Variants in CNTNAP5 observed in about 807,000 individuals in gnomAD.
CNTNAP5 encodes the protein contactin associated protein family member 5, also known as contactin-associated protein-like 5.
Under a neutral mutation model 150.2 loss-of-function variants are expected in CNTNAP5, and 72 were observed. The ratio of observed to expected loss-of-function variants is 0.48; its 90% CI spans 0.40 to 0.58. CNTNAP5 has a LOEUF of 0.58. Among genes scored for constraint, CNTNAP5 ranks in the 20% least tolerant of loss-of-function variants. The probability of loss-of-function intolerance (pLI) is 0.00; values close to 1 mark genes in which losing one functional copy is unlikely to be tolerated. For missense variants in CNTNAP5, 1,636 were observed against 1,626.2 expected (o/e 1.01, Z -0.10); for synonymous variants, 672 against 619.8 (o/e 1.08, Z -1.25).
chr2:124,612,648 T>C (rs1277951774), intron 12 of CNTNAP5, among the ~76,000 whole-genome samples: 1 of 152,212 alleles, frequency 6.6e-6, no homozygotes, highest in Non-Finnish European at 1.5e-5. Flanking sequence ...GTGTCCCGAG[T>C]TGATCAGCTT....
intron 8 of CNTNAP5, among the ~76,000 whole-genome samples, chr2:124,512,565 G>A (rs1019843259): frequency 6.6e-6 from 1 of 152,086 alleles, no homozygotes; most frequent in Admixed American, 6.6e-5. Context: ...CTATAGTCAA[G>A]GCAAATGGCT....
intron 1 of CNTNAP5, among the ~76,000 whole-genome samples, chr2:124,127,959 A>G (rs1683751062): frequency 6.6e-6 from 1 of 152,204 alleles, no homozygotes; most frequent in South Asian, 2.1e-4. Flanking sequence ...TAAAAACCCT[A>G]GAAGAAAACC....
intron 21 of CNTNAP5, among the ~76,000 whole-genome samples, chr2:124,884,433 T>A (rs555832487): frequency 6.6e-6 from 1 of 152,192 alleles, no homozygotes; most frequent in South Asian, 2.1e-4. Flanking sequence ...ATTTGCTTTT[T>A]CTCTGTTATA....
intron 1 of CNTNAP5, among the ~76,000 whole-genome samples, chr2:124,169,598 G>A (rs1684886190): frequency 6.6e-6 from 1 of 152,152 alleles, no homozygotes; most frequent in Non-Finnish European, 1.5e-5. Context: ...TGCACTTCCA[G>A]CAAAACCCAC....
At chr2:124,806,521 G>A (rs571373579) in intron 19 of CNTNAP5, among the ~76,000 whole-genome samples, 32 of 152,180 alleles carry the variant, frequency 2.1e-4, no homozygotes, top group Middle Eastern at 3.4e-3. Context: ...GTGGCTCTAC[G>A]TTCTCACAGC....
At chr2:124,189,401 C>T (rs1012537718) in intron 1 of CNTNAP5, among the ~76,000 whole-genome samples, 20 of 152,276 alleles carry the variant, frequency 1.3e-4, no homozygotes, top group Admixed American at 1.2e-3. Flanking sequence ...GGCCCTGCAG[C>T]TTGGCTTGGT....
At chr2:124,814,530 A>G in intron 19 of CNTNAP5, among the ~76,000 whole-genome samples, 1 of 151,118 alleles carries the variant, frequency 6.6e-6, no homozygotes, top group Admixed American at 6.6e-5. Flanking sequence ...ATTGTGGACA[A>G]CTTTTCTTAG....
At chr2:124,174,168 T>C (rs568496214) in intron 1 of CNTNAP5, among the ~76,000 whole-genome samples, 9 of 152,206 alleles carry the variant, frequency 5.9e-5, no homozygotes, top group Admixed American at 5.2e-4. Flanking sequence ...ATGCACCTGG[T>C]TACCCAAGAT....
chr2:124,831,364 A>C (rs1173187546), intron 19 of CNTNAP5, among the ~76,000 whole-genome samples: 1 of 151,842 alleles, frequency 6.6e-6, no homozygotes, highest in Non-Finnish European at 1.5e-5. Context: ...ATACATCATC[A>C]TATCCATTCC....
At chr2:124,432,649 A>C (rs1433578321) in intron 4 of CNTNAP5, among the ~76,000 whole-genome samples, 1 of 152,160 alleles carries the variant, frequency 6.6e-6, no homozygotes, top group Admixed American at 6.5e-5. Context: ...AGTAGAAGCA[A>C]TCAGAAGAGA....
chr2:124,194,710 A>G (rs867954969), intron 1 of CNTNAP5, among the ~76,000 whole-genome samples: 3 of 150,622 alleles, frequency 2.0e-5, no homozygotes, highest in African/African-American at 4.8e-5. Context: ...ATATAACATA[A>G]TATTTTATAT....
intron 11 of CNTNAP5, among the ~76,000 whole-genome samples, chr2:124,567,850 T>TAGAC (rs1465585797): frequency 8.6e-6 from 1 of 116,832 alleles, no homozygotes; most frequent in Non-Finnish European, 1.8e-5. Flanking sequence ...GATAGATAGA[T>TAGAC]AGATAGATAG....
chr2:124,535,923 A>G (rs1365502909), intron 10 of CNTNAP5, among the ~76,000 whole-genome samples: 1 of 152,236 alleles, frequency 6.6e-6, no homozygotes, highest in Non-Finnish European at 1.5e-5. Context: ...TACCTCCCAT[A>G]AACAGACTCT....
intron 1 of CNTNAP5, among the ~76,000 whole-genome samples, chr2:124,208,781 A>G (rs1685929734): frequency 6.6e-6 from 1 of 152,224 alleles, no homozygotes; most frequent in Admixed American, 6.5e-5. Context: ...TCGTGTTACA[A>G]CAATAGGATT....
At chr2:124,681,979 T>C (rs2105069710) in intron 13 of CNTNAP5, among the ~76,000 whole-genome samples, 1 of 152,338 alleles carries the variant, frequency 6.6e-6, no homozygotes, top group Middle Eastern at 3.4e-3. Context: ...AAAAATGCTT[T>C]GCTATGTGTC....
chr2:124,429,677 A>T lies in CNTNAP5; in HGVS notation c.530-4807A>T, dbSNP rs113666570. Among the ~76,000 whole-genome samples the T allele has an allele frequency of 2.5e-3, 382 of 152,342 alleles. 2 individuals carry two copies. The highest frequency in any genetic ancestry group is 8.6e-3 in the African/African-American group (358 of 41,580). On this transcript the variant is annotated intron_variant, in intron 4 of 23. Coordinates refer to ENST00000682447, the MANE Select transcript of CNTNAP5 (RefSeq NM_001367498.1). The stretch of plus-strand genomic sequence containing the variant: ...CGGAGGAAAGCTCCCGCACCCCACC[A>T]GGCTAGTTCTGTGCTTACTAAAGGC...
At chr2:124,762,853 G>A (rs977669568) in intron 14 of CNTNAP5, among the ~76,000 whole-genome samples, 2 of 152,044 alleles carry the variant, frequency 1.3e-5, no homozygotes, top group East Asian at 3.9e-4. Context: ...ATTTGAAATG[G>A]GCATAATGAC....
In CNTNAP5 at chr2:124,655,995, GAAAA is replaced by G. The variant is rs1234080311; in HGVS notation, c.2077+8040_2077+8043del. On this transcript the variant is annotated intron_variant, in intron 13 of 23. Transcript: ENST00000682447. The stretch of plus-strand genomic sequence containing the variant: ...AGAAAGAAAGAAAGAAAGAAAGAAA[GAAAA>G]AAGGAAGGAAGGAAGGAAGGAAGGG... Among the ~76,000 whole-genome samples the G allele has an allele frequency of 7.5e-4, 97 of 129,542 alleles. 1 individual carries two copies. Among genetic ancestry groups the G allele is most frequent in the Non-Finnish European group, 1.0e-3 (63 of 61,034 alleles). 85.0% of individuals were successfully genotyped at this position (129,542 alleles called of 152,430 possible). A position where few individuals can be genotyped will look rare whatever the true frequency, so the allele number is the denominator to read the frequency against.
At position 124,806,355 on chromosome 2, in the gene CNTNAP5, C is replaced by A. The variant is rs530075823; in HGVS notation, c.3217+8035C>A. ...GGAAAGGGGGTAGCTCTTCCTGGTG[C>A]ATTTCAAAAGTCTTCTAGTATAAAT... On this transcript the variant is annotated intron_variant, in intron 19 of 23. Coordinates refer to ENST00000682447, the MANE Select transcript of CNTNAP5 (RefSeq NM_001367498.1). 7.2e-5 allele frequency among the ~76,000 whole-genome samples: 11 copies of A among 152,230 alleles called. No individual in the cohort carries two copies. In the South Asian group the frequency reaches 2.1e-3, roughly 29 times the overall value.
Sources: allele counts gnomAD v4.1 joint callset (sites outside exome capture counted in the v4.1 genomes callset), GRCh38; gene constraint gnomAD v4.1.1; transcripts MANE v1.5; gene names NCBI Gene and HGNC (gene_info 2026-07-23, HGNC 2026-07-21).